PLS1: variants seen among roughly 807,000 people sequenced by gnomAD.
The protein encoded by PLS1 is plastin-1.
PLS1 carries 32 observed loss-of-function variants against 73.7 expected under a neutral mutation model. The ratio of observed to expected loss-of-function variants is 0.43; its 90% CI spans 0.33 to 0.58. The LOEUF (loss-of-function observed/expected upper bound fraction) is 0.58, where lower values mean the gene tolerates loss of function less well. PLS1 is among the 20% of genes least tolerant of loss of function. The pLI is 0.04. For synonymous variants in PLS1, 217 were observed against 261.3 expected (o/e 0.83, Z 1.63); for missense variants, 633 against 740.5 (o/e 0.85, Z 1.68).
chr3:142,709,366 G>A (rs1009812191), intron 14 of PLS1, among the ~76,000 whole-genome samples: 2 of 152,028 alleles, frequency 1.3e-5, no homozygotes, highest in African/African-American at 4.8e-5. Context: ...AGACTTAAAG[G>A]ACCTAATTAT....
intron 10 of PLS1, among the ~76,000 whole-genome samples, 158 bp downstream of exon 10, chr3:142,689,971 T>A (rs1263189133): frequency 6.6e-6 from 1 of 152,200 alleles, no homozygotes; most frequent in Non-Finnish European, 1.5e-5. Flanking sequence ...AGGTGGTTGC[T>A]GGTTTTGGTT....
intron 1 of PLS1, among the ~76,000 whole-genome samples, chr3:142,630,860 T>C (rs1042615197): frequency 6.6e-6 from 1 of 150,994 alleles, no homozygotes; most frequent in African/African-American, 2.4e-5. Context: ...AAAGCAGCAG[T>C]CTGATATCAA....
intron 1 of PLS1, among the ~76,000 whole-genome samples, chr3:142,613,088 G>C (rs2036152545): frequency 6.6e-6 from 1 of 152,018 alleles, no homozygotes; most frequent in Non-Finnish European, 1.5e-5. Flanking sequence ...GTTTTATGTT[G>C]AACCAGGAGA....
intron 1 of PLS1, chr3:142,656,948 G>C (rs1282049355): frequency 1.3e-5 from 2 of 152,168 alleles, no homozygotes; most frequent in Admixed American, 6.6e-5. Flanking sequence ...TCAGATAAAA[G>C]AAAGATCACA....
intron 8 of PLS1, among the ~76,000 whole-genome samples, 197 bp downstream of exon 8, chr3:142,684,592 T>C (rs2037925316): frequency 6.6e-6 from 1 of 152,236 alleles, no homozygotes; most frequent in Non-Finnish European, 1.5e-5. Flanking sequence ...ATATATTGGC[T>C]TTTAATAAGA....
At chr3:142,659,672 C>CTTTTTTTTTTTTTT (rs533796970) in intron 1 of PLS1, among the ~76,000 whole-genome samples, 2 of 138,792 alleles carry the variant, frequency 1.4e-5, no homozygotes, top group Non-Finnish European at 1.6e-5. Flanking sequence ...TTTCTTTTTT[C>CTTTTTTTTTTTTTT]TTTTTTTTTT....
chr3:142,610,043 A>G (rs2036090942), intron 1 of PLS1, among the ~76,000 whole-genome samples: 1 of 152,052 alleles, frequency 6.6e-6, no homozygotes, highest in Admixed American at 6.6e-5. Context: ...TAATTTTTGT[A>G]TTTTTAGTAG....
chr3:142,678,493 A>T (rs371029375), intron 6 of PLS1, among the ~76,000 whole-genome samples: 1 of 140,634 alleles, frequency 7.1e-6, no homozygotes, highest in African/African-American at 2.6e-5. Context: ...TCATTGTTCA[A>T]TTCCCACCTA....
intron 1 of PLS1, among the ~76,000 whole-genome samples, chr3:142,613,889 T>C (rs1371181623): frequency 6.6e-6 from 1 of 152,226 alleles, no homozygotes; most frequent in African/African-American, 2.4e-5. Context: ...TGACAGGGTC[T>C]TTCCAAAAAC....
At chr3:142,634,501 C>T (rs2108595181) in intron 1 of PLS1, among the ~76,000 whole-genome samples, 1 of 152,258 alleles carries the variant, frequency 6.6e-6, no homozygotes, top group South Asian at 2.1e-4. Flanking sequence ...AAGTCTTCAA[C>T]TGTACTTGTG....
chr3:142,674,709 G>C (rs1222336121), intron 4 of PLS1, among the ~76,000 whole-genome samples: 1 of 152,058 alleles, frequency 6.6e-6, no homozygotes, highest in Non-Finnish European at 1.5e-5. Flanking sequence ...CTGGTATCTA[G>C]ATTTGTGTCA....
chr3:142,693,422 A>T (rs889157529), intron 10 of PLS1, among the ~76,000 whole-genome samples: 1 of 152,200 alleles, frequency 6.6e-6, no homozygotes, highest in Admixed American at 6.5e-5. Context: ...TTATGTGCCA[A>T]ATTGTCCTGT....
intron 1 of PLS1, among the ~76,000 whole-genome samples, chr3:142,600,908 A>ATTTTT (rs2035909819): frequency 3.6e-5 from 1 of 27,536 alleles, no homozygotes; most frequent in African/African-American, 2.6e-4. Context: ...ATATATATAT[A>ATTTTT]TATATATATT....
Position 142,689,847 on chromosome 3 carries a change from A to G in PLS1, c.1177+34A>G, listed in dbSNP as rs763512752. 6.0e-6 allele frequency: 8 copies of G among 1,338,400 alleles called. No individual in the cohort carries two copies. In the East Asian group the frequency reaches 1.2e-4, roughly 20 times the overall value. The allele number at this position is 1,338,400 out of a possible 1,614,324, so 82.9% of individuals were successfully genotyped here. A position where few individuals can be genotyped will look rare whatever the true frequency, so the allele number is the denominator to read the frequency against. ...TTTCTGCCTTTAATTGACTTGCTATATTTATCTTCTTATGGTATTGTCTTA... is the reference window on the plus strand; with the variant it reads ...TTTCTGCCTTTAATTGACTTGCTATGTTTATCTTCTTATGGTATTGTCTTA... On this transcript the variant is annotated intron_variant, in intron 10 of 15. Transcript: ENST00000457734.
rs78264424 is a variant in PLS1, at chr3:142,684,159, T to C, written c.733T>C (p.Ser245Pro). The C allele has an allele frequency of 1.5e-3, 2,500 of 1,614,094 alleles. 4 individuals carry two copies. Among genetic ancestry groups the C allele is most frequent in the Non-Finnish European group, 1.9e-3 (2,267 of 1,179,964 alleles). The change falls in exon 7 of 16, where the codon TCC becomes CCC. Residue 245 changes from serine to proline, a missense_variant. By Grantham distance (74) the Ser-to-Pro change is moderately conservative. Coordinates refer to ENST00000457734, the MANE Select transcript of PLS1 (RefSeq NM_001145319.2). ...KVGLFADIEI[S>P]RNEALIALLN... ...TGGCCTTTTTGCTGATATTGAGATT[T>C]CCAGGAATGAAGGTAAGATCATTAG...
chr3:142,697,831 ATT>A, intron 11 of PLS1, 120 bp from the exon 12 acceptor site: 1 of 591,980 alleles, frequency 1.7e-6, no homozygotes, highest in Non-Finnish European at 3.0e-6. Context: ...ATGTCCTGTC[ATT>A]CTTTAAGAAT....
intron 1 of PLS1, chr3:142,645,728 A>G (rs193221678): frequency 1.3e-5 from 2 of 152,352 alleles, no homozygotes; most frequent in East Asian, 3.9e-4. Context: ...TCTCTAATGT[A>G]TAATTTCCTG....
At chr3:142,610,659 C>G (rs1018192639) in intron 1 of PLS1, among the ~76,000 whole-genome samples, 2 of 152,146 alleles carry the variant, frequency 1.3e-5, no homozygotes, top group African/African-American at 2.4e-5. Context: ...TTTCCCTACT[C>G]TCTTCAGTGT....
At chr3:142,670,965 T>A in intron 3 of PLS1, 28 bp from the exon 4 acceptor site, 2 of 1,499,428 alleles carry the variant, frequency 1.3e-6, no homozygotes, top group Non-Finnish European at 1.8e-6. Flanking sequence ...ATTATCTGAT[T>A]CTCAATTTTA....
Sources: gnomAD v4.1 joint callset for allele counts (sites outside exome capture counted in the v4.1 genomes callset) on GRCh38, gnomAD v4.1.1 for gene constraint, MANE v1.5 for transcripts, NCBI Gene and HGNC (gene_info 2026-07-23, HGNC 2026-07-21) for gene names.